Variants in CNTNAP2 observed in about 807,000 individuals in gnomAD.
CNTNAP2 encodes contactin associated protein 2.
A neutral mutation model predicts 155.2 loss-of-function variants in CNTNAP2; 98 were observed. The observed-to-expected ratio is 0.63, with a 90% CI of 0.54 to 0.75. The LOEUF is 0.75. CNTNAP2 is among the 30% of genes least tolerant of loss of function. The pLI is 0.00. For synonymous variants in CNTNAP2, 651 were observed against 631.2 expected (o/e 1.03, Z -0.47); for missense variants, 1,727 against 1,688.1 (o/e 1.02, Z -0.40).
At chr7:146,181,495 G>A (rs577095652) in intron 1 of CNTNAP2, among the ~76,000 whole-genome samples, 80 of 152,058 alleles carry the variant, frequency 5.3e-4, no homozygotes, top group East Asian at 2.9e-3. Flanking sequence ...AAATCAATGC[G>A]GTTTTACATA....
chr7:147,126,240 T>A (rs1257636748), intron 6 of CNTNAP2, among the ~76,000 whole-genome samples: 1 of 152,170 alleles, frequency 6.6e-6, no homozygotes, highest in Non-Finnish European at 1.5e-5. Context: ...TATCCAATAG[T>A]CCCTGCGACA....
chr7:146,138,854 A>G (rs935728569), intron 1 of CNTNAP2, among the ~76,000 whole-genome samples: 2 of 151,630 alleles, frequency 1.3e-5, no homozygotes, highest in African/African-American at 4.9e-5. Context: ...TAACCCAACC[A>G]CAGTGTAAAA....
chr7:148,312,484 A>G lies in CNTNAP2; in HGVS notation c.3475+45358A>G, dbSNP rs568719054. ...TGTGAGGGTCAGTCCAAGTGAAAGC[A>G]AAGAGAGGCTGGGATGAAGGGTGCA... On this transcript the variant is annotated intron_variant, in intron 21 of 23. Transcript: ENST00000361727. 8.3e-3 allele frequency among the ~76,000 whole-genome samples: 1,263 copies of G among 152,176 alleles called. 12 individuals carry two copies. Among genetic ancestry groups the G allele is most frequent in the African/African-American group, 0.028 (1,179 of 41,498 alleles).
chr7:146,291,791 G>A lies in CNTNAP2; in HGVS notation c.97+174818G>A, dbSNP rs190054866. On this transcript the variant is annotated intron_variant, in intron 1 of 23. Transcript: ENST00000361727. ...ATGTAAAACTACTAGAAAAAACACAGGTGAATATCTATGAGGTATAAGTCT... is the reference window on the plus strand; with the variant it reads ...ATGTAAAACTACTAGAAAAAACACAAGTGAATATCTATGAGGTATAAGTCT... Among the ~76,000 whole-genome samples the A allele has an allele frequency of 3.7e-3, 563 of 152,208 alleles. 1 individual carries two copies. Among genetic ancestry groups the A allele is most frequent in the Non-Finnish European group, 5.5e-3 (376 of 68,002 alleles).
At chr7:146,444,806 TG>T (rs1318812841) in intron 1 of CNTNAP2, among the ~76,000 whole-genome samples, 2 of 151,750 alleles carry the variant, frequency 1.3e-5, no homozygotes, top group Non-Finnish European at 2.9e-5. Flanking sequence ...TACAGGTGCC[TG>T]CCACCATGCC....
chr7:147,916,831 C>T (rs1447170447), intron 14 of CNTNAP2, among the ~76,000 whole-genome samples: 1 of 152,078 alleles, frequency 6.6e-6, no homozygotes, highest in African/African-American at 2.4e-5. Flanking sequence ...ATTCTGTGTC[C>T]CACTGAAAGT....
intron 4 of CNTNAP2, among the ~76,000 whole-genome samples, chr7:147,074,547 T>C (rs905617872): frequency 2.0e-5 from 3 of 152,266 alleles, no homozygotes; most frequent in African/African-American, 7.2e-5. Context: ...AAAGCCCCAT[T>C]AGATGTAAAA....
chr7:148,176,438 C>T lies in CNTNAP2; in HGVS notation c.3010+3960C>T, dbSNP rs1415982301. Reference sequence around the variant, plus strand: ...TTCAACATGTTGGCCAGGCTAGTCTCGAACTCCTGACCTCAGGTGATCTGC... The same window carrying T: ...TTCAACATGTTGGCCAGGCTAGTCTTGAACTCCTGACCTCAGGTGATCTGC... On this transcript the variant is annotated intron_variant, in intron 18 of 23. Coordinates refer to ENST00000361727, the MANE Select transcript of CNTNAP2 (RefSeq NM_014141.6). 5.3e-5 allele frequency among the ~76,000 whole-genome samples: 8 copies of T among 151,976 alleles called. No homozygotes were observed. In the East Asian group the frequency reaches 1.2e-3, roughly 22 times the overall value.
At chr7:148,256,541 AG>A (rs1796456844) in intron 20 of CNTNAP2, among the ~76,000 whole-genome samples, 2 of 152,118 alleles carry the variant, frequency 1.3e-5, no homozygotes, top group Admixed American at 6.5e-5. Flanking sequence ...CTGGTTTGCA[AG>A]GGGTCCCTGA....
chr7:147,777,517 G>T (rs1018364061), intron 13 of CNTNAP2, among the ~76,000 whole-genome samples: 1 of 152,164 alleles, frequency 6.6e-6, no homozygotes, highest in South Asian at 2.1e-4. Context: ...CCCCTACTTG[G>T]GTCAGCCCTA....
intron 11 of CNTNAP2, among the ~76,000 whole-genome samples, chr7:147,501,892 C>G (rs1003763868): frequency 6.6e-6 from 1 of 152,100 alleles, no homozygotes; most frequent in African/African-American, 2.4e-5. Context: ...TATACAAAAT[C>G]ATACAAAAAT....
chr7:146,406,518 C>T (rs989082337), intron 1 of CNTNAP2, among the ~76,000 whole-genome samples: 18 of 152,202 alleles, frequency 1.2e-4, no homozygotes, highest in South Asian at 4.1e-4. Flanking sequence ...AATCAAAGCA[C>T]GTAGAATAAG....
intron 1 of CNTNAP2, among the ~76,000 whole-genome samples, chr7:146,537,235 G>A (rs1261980446): frequency 1.3e-5 from 2 of 151,946 alleles, no homozygotes; most frequent in Non-Finnish European, 2.9e-5. Flanking sequence ...AAGGTATTTA[G>A]GAGATAAATC....
chr7:147,291,435 C>T (rs1437530549), intron 8 of CNTNAP2, among the ~76,000 whole-genome samples: 2 of 151,968 alleles, frequency 1.3e-5, no homozygotes, highest in East Asian at 3.9e-4. Flanking sequence ...CCAGGTTTTT[C>T]TTACAAAACA....
At chr7:146,382,699 G>A (rs1795406982) in intron 1 of CNTNAP2, among the ~76,000 whole-genome samples, 2 of 152,000 alleles carry the variant, frequency 1.3e-5, no homozygotes, top group South Asian at 4.2e-4. Flanking sequence ...TAAGCCAGAG[G>A]TGATAATCCA....
chr7:146,553,783 A>C (rs1197728458), intron 1 of CNTNAP2, among the ~76,000 whole-genome samples: 1 of 152,200 alleles, frequency 6.6e-6, no homozygotes, highest in Non-Finnish European at 1.5e-5. Context: ...TTCTTAAAAA[A>C]AAAATACATT....
chr7:147,056,802 A>T (rs1403122369), intron 4 of CNTNAP2, among the ~76,000 whole-genome samples: 1 of 151,678 alleles, frequency 6.6e-6, no homozygotes, highest in African/African-American at 2.4e-5. Context: ...AGACATTCTC[A>T]CTCTGTCACC....
chr7:146,402,608 C>T (rs1344245356), intron 1 of CNTNAP2, among the ~76,000 whole-genome samples: 1 of 152,038 alleles, frequency 6.6e-6, no homozygotes, highest in Non-Finnish European at 1.5e-5. Flanking sequence ...AGTGATAAGT[C>T]TTTAAGTACA....
intron 15 of CNTNAP2, 26 bp downstream of exon 15, chr7:147,978,015 T>C: frequency 6.2e-7 from 1 of 1,613,408 alleles, no homozygotes; most frequent in East Asian, 2.2e-5. Context: ...AGCTATGGCT[T>C]GCACTTTCTT....
Sources: allele counts gnomAD v4.1 joint callset (sites outside exome capture counted in the v4.1 genomes callset), GRCh38; gene constraint gnomAD v4.1.1; transcripts MANE v1.5; gene names NCBI Gene and HGNC (gene_info 2026-07-23, HGNC 2026-07-21).